The following PGM3 variants were observed in gnomAD, a reference collection of about 807,000 sequenced individuals.
PGM3 encodes phosphoglucomutase 3, also known as phosphoacetylglucosamine mutase.
In PGM3, 40 loss-of-function variants were observed where a neutral mutation model predicts 66.2. The ratio of observed to expected loss-of-function variants is 0.60; its 90% confidence interval spans 0.47 to 0.79. The LOEUF (loss-of-function observed/expected upper bound fraction) is 0.79, where lower values mean the gene tolerates loss of function less well. Among genes scored for constraint, PGM3 ranks in the 30% least tolerant of loss-of-function variants. The pLI is 0.00. For synonymous variants in PGM3, 191 were observed against 224.2 expected (o/e 0.85, Z 1.32); for missense variants, 537 against 643.4 (o/e 0.83, Z 1.79).
At position 83,182,932 on chromosome 6, in the gene PGM3, A is replaced by T; in HGVS notation, c.504T>A (p.Cys168Ter). 6.2e-7 allele frequency: 1 copy of T among 1,614,022 alleles called. No homozygotes were observed. The highest frequency in any genetic ancestry group is 8.5e-7 in the Non-Finnish European group (1 of 1,179,900). ...TTCCATATCGGCCACCCGTGTTTCG[A>T]CAATACACCATGTAGTGCAGCTGGG... ...TTPQLHYMVY[C>*]RNTGGRYGKA... The change falls in exon 5 of 13, where the codon TGT (cysteine) becomes TGA (stop). Residue 168 changes from cysteine (C) to a stop codon, truncating the protein, a stop_gained. Transcript: ENST00000513973. LOFTEE classifies it high-confidence loss of function.
At chr6:83,182,608 G>C (rs1018330919) in intron 5 of PGM3, among the ~76,000 whole-genome samples, 25 of 152,112 alleles carry the variant, frequency 1.6e-4, no homozygotes, top group African/African-American at 6.0e-4. Flanking sequence ...CCCCCACCAT[G>C]TTTGCTTCCC....
At chr6:83,155,827 CAA>C in the PGM3 span, 2 of 1,161,598 alleles carry the variant, frequency 1.7e-6, no homozygotes, top group Non-Finnish European at 2.4e-6. Flanking sequence ...AGAGGGGCAT[CAA>C]GTTTTGTACC....
chr6:83,176,963 T>C (rs2128491952), intron 8 of PGM3, among the ~76,000 whole-genome samples: 3 of 152,324 alleles, frequency 2.0e-5, no homozygotes, highest in Non-Finnish European at 4.4e-5. Flanking sequence ...GAGCTTATTA[T>C]AACCATATAT....
chr6:83,190,726 T>A (rs184015820), intron 2 of PGM3, 83 bp downstream of exon 2: 1 of 1,079,282 alleles, frequency 9.3e-7, no homozygotes, highest in East Asian at 2.4e-5. Flanking sequence ...AATTAGAATT[T>A]GTACTTTAGG....
At chr6:83,156,778 A>C (rs746005507), downstream of PGM3, among the ~76,000 whole-genome samples, 6 of 152,184 alleles carry the variant, frequency 3.9e-5, no homozygotes, top group Non-Finnish European at 8.8e-5. Flanking sequence ...CTTGTTTCCT[A>C]ACCTTTTACG....
intron 10 of PGM3, among the ~76,000 whole-genome samples, chr6:83,173,767 C>T (rs555177899): frequency 2.4e-4 from 36 of 152,234 alleles, no homozygotes; most frequent in African/African-American, 1.4e-4. Flanking sequence ...GACAGAGTCT[C>T]GCTCTGTCAC....
intron 10 of PGM3, among the ~76,000 whole-genome samples, chr6:83,172,665 AAACAAC>A (rs558981637): frequency 3.3e-5 from 5 of 151,932 alleles, no homozygotes; most frequent in Non-Finnish European, 4.4e-5. Context: ...TCTCAAAACA[AAACAAC>A]AACAACAACA....
chr6:83,157,868 A>C (rs1783165468), downstream of PGM3, among the ~76,000 whole-genome samples: 1 of 152,148 alleles, frequency 6.6e-6, no homozygotes, highest in South Asian at 2.1e-4. Flanking sequence ...AGTCATCCTT[A>C]TCCTCCTCAG....
chr6:83,190,835 T>C lies in PGM3; in HGVS notation c.178A>G (p.Met60Val), dbSNP rs114464760. The C allele has an allele frequency of 3.8e-5, 61 of 1,614,020 alleles. No homozygotes were observed. The African/African-American group carries it at 7.6e-4, about 20-fold the overall frequency. The change falls in exon 2 of 13, where the codon ATG becomes GTG. Residue 60 changes from methionine to valine, a missense_variant. Physicochemically the swap from Met to Val is conservative, Grantham distance 21. Transcript: ENST00000513973. ...SKQTKSTIGV[M>V]VTASHNPEED... The stretch of plus-strand genomic sequence containing the variant: ...TCAGGATTGTGGGACGCTGTTACCA[T>C]GACTCCTATAGTGGATTTTGTCTGT...
intron 8 of PGM3, among the ~76,000 whole-genome samples, chr6:83,178,209 C>A (rs1787918995): frequency 6.6e-6 from 1 of 152,204 alleles, no homozygotes; most frequent in Non-Finnish European, 1.5e-5. Flanking sequence ...GTTAACTGCC[C>A]TTCTCTAAAG....
intron 7 of PGM3, among the ~76,000 whole-genome samples, chr6:83,179,030 G>T (rs192787279): frequency 1.3e-5 from 2 of 152,130 alleles, no homozygotes; most frequent in East Asian, 3.9e-4. Flanking sequence ...AAAGTATCTG[G>T]CCAGGCACGG....
intron 8 of PGM3, among the ~76,000 whole-genome samples, chr6:83,177,393 C>T (rs1787853146): frequency 6.6e-6 from 1 of 151,776 alleles, no homozygotes; most frequent in South Asian, 2.1e-4. Context: ...ACCTGGTGGA[C>T]ACCGGGGAAA....
rs552922053 is a variant in PGM3 at position 83,173,927 on chromosome 6, G to A, written c.1242+447C>T. ...AATTTTTTGTATTTTTAGTAGAGAC[G>A]AGGTTTCACCCTGTTAGCCAGGAGG... On this transcript the variant is annotated intron_variant, in intron 10 of 12. Transcript: ENST00000513973. 9.9e-3 allele frequency among the ~76,000 whole-genome samples: 1,511 copies of A among 151,950 alleles called. 5 individuals are homozygous for A. Among genetic ancestry groups the A allele is most frequent in the South Asian group, 0.03 (145 of 4,814 alleles).
In PGM3 at chr6:83,168,052, C is replaced by T. The variant is rs751792386; in HGVS notation, c.*1182G>A. 1 of 1,614,170 alleles carries T rather than the reference C, an allele frequency of 6.2e-7. No homozygotes were observed. The highest frequency in any genetic ancestry group is 8.5e-7 in the Non-Finnish European group (1 of 1,180,036). ...GGGAGTCCTATCCTCTACTCAAATGCCTTCCCTAATAAGGACATGAAACTG... is the reference window on the plus strand; with the variant it reads ...GGGAGTCCTATCCTCTACTCAAATGTCTTCCCTAATAAGGACATGAAACTG... On this transcript the variant is annotated 3_prime_UTR_variant, in exon 13 of 13. Coordinates refer to ENST00000513973, the MANE Select transcript of PGM3 (RefSeq NM_015599.3).
At chr6:83,163,925 T>G (rs900760513), downstream of PGM3, among the ~76,000 whole-genome samples, 3 of 152,006 alleles carry the variant, frequency 2.0e-5, no homozygotes, top group Admixed American at 1.3e-4. Context: ...TATCTTTCAG[T>G]ATGCATCATG....
chr6:83,192,936 T>C (rs1249840386), intron 1 of PGM3, among the ~76,000 whole-genome samples: 1 of 152,080 alleles, frequency 6.6e-6, no homozygotes, highest in Non-Finnish European at 1.5e-5. Flanking sequence ...CACTCCACCC[T>C]GAGGTCCCCG....
At chr6:83,164,465 ATTT>A (rs772814655), downstream of PGM3, among the ~76,000 whole-genome samples, 3 of 152,024 alleles carry the variant, frequency 2.0e-5, no homozygotes, top group Non-Finnish European at 2.9e-5. Context: ...AGTAATGAGA[ATTT>A]TTATAAGACC....
downstream of PGM3, chr6:83,159,923 C>G (rs1289668284): frequency 1.9e-6 from 3 of 1,613,976 alleles, no homozygotes; most frequent in Non-Finnish European, 2.5e-6. Context: ...GGATTTGGCT[C>G]TCGCATTGCC....
At chr6:83,174,508 A>G (rs1430391735) in intron 9 of PGM3, 21 bp from the exon 10 acceptor site, 1 of 1,341,986 alleles carries the variant, frequency 7.5e-7, no homozygotes, top group South Asian at 1.3e-5. Context: ...AGAATATAAA[A>G]TCAGTCTCAA....
Sources: gnomAD v4.1 joint callset for allele counts (sites outside exome capture counted in the v4.1 genomes callset) on GRCh38, gnomAD v4.1.1 for gene constraint, MANE v1.5 for transcripts, NCBI Gene and HGNC (gene_info 2026-07-23, HGNC 2026-07-21) for gene names.